Variants in DCAF1 observed in about 807,000 individuals in gnomAD.
DCAF1 encodes DDB1 and CUL4 associated factor 1, also known as DDB1- and CUL4-associated factor 1.
DCAF1 carries 15 observed loss-of-function variants against 128.0 expected under a neutral mutation model. The observed-to-expected ratio is 0.12, with a 90% confidence interval of 0.08 to 0.18. DCAF1 has a LOEUF of 0.18. DCAF1 is among the 10% of genes least tolerant of loss of function. DCAF1 has a pLI of 1.00. For missense variants in DCAF1, 988 were observed against 1,649.5 expected, an observed-to-expected ratio of 0.60 and a Z score of 6.95; for synonymous variants, 610 against 603.0, an observed-to-expected ratio of 1.01 and a Z score of -0.17.
chr3:51,487,781 T>A (rs1159935765), intron 2 of DCAF1, among the ~76,000 whole-genome samples: 1 of 151,854 alleles, frequency 6.6e-6, no homozygotes, highest in Non-Finnish European at 1.5e-5. Flanking sequence ...GCTCAAGCAA[T>A]CTTCCTGCCT....
intron 23 of DCAF1, among the ~76,000 whole-genome samples, chr3:51,405,511 G>T (rs765097607): frequency 2.6e-5 from 4 of 152,126 alleles, no homozygotes; most frequent in Non-Finnish European, 5.9e-5. Context: ...TGAGAGAGAG[G>T]AGGGGAAATT....
intron 1 of DCAF1, among the ~76,000 whole-genome samples, chr3:51,498,254 G>A (rs1035056513): frequency 2.0e-5 from 3 of 150,622 alleles, no homozygotes; most frequent in East Asian, 3.9e-4. Flanking sequence ...CAGCTACTCC[G>A]GAGGCTGAGG....
chr3:51,476,603 C>T (rs1355352396), intron 3 of DCAF1, among the ~76,000 whole-genome samples: 1 of 140,338 alleles, frequency 7.1e-6, no homozygotes, highest in Admixed American at 7.4e-5. Flanking sequence ...AAAGGCCAGG[C>T]GTAGTGGCTC....
intron 2 of DCAF1, among the ~76,000 whole-genome samples, chr3:51,489,267 C>G (rs1016945654): frequency 2.0e-5 from 3 of 151,594 alleles, no homozygotes; most frequent in Admixed American, 6.6e-5. Context: ...AATCTCGTCT[C>G]CAGTAAAAAT....
At chr3:51,400,956 C>A (rs574675756) in intron 24 of DCAF1, among the ~76,000 whole-genome samples, 6 of 152,038 alleles carry the variant, frequency 3.9e-5, no homozygotes, top group African/African-American at 1.4e-4. Context: ...CACGGTGAAA[C>A]CCTGTCTCTA....
intron 12 of DCAF1, among the ~76,000 whole-genome samples, chr3:51,428,500 A>C (rs1276715842): frequency 1.3e-5 from 2 of 151,860 alleles, no homozygotes; most frequent in Non-Finnish European, 2.9e-5. Context: ...AATTTTTAAA[A>C]TTTTTGTAAA....
intron 6 of DCAF1, among the ~76,000 whole-genome samples, chr3:51,457,789 C>T (rs1466740226): frequency 6.6e-6 from 1 of 152,160 alleles, no homozygotes; most frequent in Non-Finnish European, 1.5e-5. Context: ...ATTTTCAACC[C>T]AGAATCTCAT....
At chr3:51,496,328 G>A (rs1708231852) in intron 2 of DCAF1, among the ~76,000 whole-genome samples, 2 of 152,130 alleles carry the variant, frequency 1.3e-5, no homozygotes, top group African/African-American at 4.8e-5. Context: ...TCCGGAGGCT[G>A]AGGCAGCAGA....
chr3:51,448,627 C>A (rs534104379), intron 6 of DCAF1, among the ~76,000 whole-genome samples: 1 of 152,150 alleles, frequency 6.6e-6, no homozygotes, highest in African/African-American at 2.4e-5. Flanking sequence ...ATAGTTTAAC[C>A]ATTTTAAAGA....
At chr3:51,427,192 G>A (rs1431890872) in intron 13 of DCAF1, among the ~76,000 whole-genome samples, 180 bp downstream of exon 13, 1 of 152,152 alleles carries the variant, frequency 6.6e-6, no homozygotes, top group Non-Finnish European at 1.5e-5. Context: ...CCATATATAT[G>A]AACAAGTGTG....
At chr3:51,429,127 C>T in intron 12 of DCAF1, 134 bp downstream of exon 12, 2 of 612,584 alleles carry the variant, frequency 3.3e-6, no homozygotes, top group Admixed American at 5.4e-5. Flanking sequence ...TTCAATTGTT[C>T]TGCCTTCATA....
At chr3:51,454,364 T>A (rs990565100) in intron 6 of DCAF1, among the ~76,000 whole-genome samples, 1 of 152,106 alleles carries the variant, frequency 6.6e-6, no homozygotes, top group Non-Finnish European at 1.5e-5. Flanking sequence ...TTTTCTCTTT[T>A]ATTTATTTAT....
intron 3 of DCAF1, among the ~76,000 whole-genome samples, chr3:51,476,096 A>G (rs1553650458): frequency 1.3e-5 from 2 of 151,994 alleles, no homozygotes. Flanking sequence ...TCATTTTCCA[A>G]GAGTAATTGG....
At chr3:51,460,704 A>G (rs1309305354) in intron 6 of DCAF1, among the ~76,000 whole-genome samples, 2 of 152,224 alleles carry the variant, frequency 1.3e-5, no homozygotes, top group African/African-American at 4.8e-5. Flanking sequence ...TACTGGTACC[A>G]AAACAGATAT....
At position 51,398,784 on chromosome 3, in the gene DCAF1, T is replaced by C. The variant is rs1553623993; in HGVS notation, c.4509A>G (p.Leu1503=). ...TGATGGCTCCTCACTCATTCAGAGATAAGATGATGTCATCTTCCAAATCAG... is the reference window on the plus strand; with the variant it reads ...TGATGGCTCCTCACTCATTCAGAGACAAGATGATGTCATCTTCCAAATCAG... ...DNSDLEDDII[L]SLNE The change falls in exon 25 of 25, where the codon TTA becomes TTG. Residue 1503 remains leucine, a synonymous_variant. Transcript: ENST00000684031. The C allele has an allele frequency of 5.7e-6, 9 of 1,591,002 alleles. No individual in the cohort carries two copies. Among genetic ancestry groups the C allele is most frequent in the African/African-American group, 1.3e-5 (1 of 74,654 alleles).
At chr3:51,482,760 A>G (rs11130292) in intron 3 of DCAF1, among the ~76,000 whole-genome samples, 114,809 of 132,658 alleles carry the variant, frequency 0.87, 49,758 homozygotes, top group East Asian at 0.94. Flanking sequence ...GCAACACTCC[A>G]TCTCAAAAAA....
chr3:51,406,913 G>A (rs1422861743), intron 23 of DCAF1, among the ~76,000 whole-genome samples: 5 of 152,120 alleles, frequency 3.3e-5, no homozygotes, highest in African/African-American at 1.2e-4. Context: ...CTACACTTTG[G>A]CTGGGCGCAG....
intron 17 of DCAF1, among the ~76,000 whole-genome samples, chr3:51,417,434 GA>G (rs1698978367): frequency 6.6e-6 from 1 of 151,932 alleles, no homozygotes; most frequent in African/African-American, 2.4e-5. Context: ...GGAAAGAAAA[GA>G]AAAGGCCAGG....
intron 15 of DCAF1, among the ~76,000 whole-genome samples, chr3:51,419,376 C>T (rs1699190358): frequency 6.6e-6 from 1 of 151,794 alleles, no homozygotes; most frequent in Admixed American, 6.6e-5. Context: ...AAAAAAAATT[C>T]CCATGTTTAA....
Sources: allele counts gnomAD v4.1 joint callset (sites outside exome capture counted in the v4.1 genomes callset), GRCh38; gene constraint gnomAD v4.1.1; transcripts MANE v1.5; gene names NCBI Gene and HGNC (gene_info 2026-07-23, HGNC 2026-07-21).